SCFD2: variants seen among roughly 807,000 people sequenced by gnomAD.
The protein encoded by SCFD2 is sec1 family domain-containing protein 2.
A neutral mutation model predicts 58.9 loss-of-function variants in SCFD2; 54 were observed. That is an observed-to-expected ratio of 0.92 (90% CI 0.74 to 1.15). SCFD2 has a LOEUF of 1.15. Ranked by LOEUF, SCFD2 falls within the 50% of genes most tolerant of loss-of-function variation. SCFD2 has a pLI of 0.00. For missense variants in SCFD2, 805 were observed against 836.6 expected (o/e 0.96, Z 0.47); for synonymous variants, 321 against 335.9 (o/e 0.96, Z 0.49).
chr4:53,337,956 G>A (rs1280926244), intron 2 of SCFD2, among the ~76,000 whole-genome samples: 1 of 152,140 alleles, frequency 6.6e-6, no homozygotes, highest in African/African-American at 2.4e-5. Flanking sequence ...AGTCCTTATA[G>A]GAGGGATACA....
chr4:53,050,824 C>A (rs1395152757), intron 5 of SCFD2, among the ~76,000 whole-genome samples: 1 of 152,162 alleles, frequency 6.6e-6, no homozygotes, highest in Non-Finnish European at 1.5e-5. Flanking sequence ...AGCCATGCTG[C>A]CTGCATTCCT....
chr4:53,213,380 G>A (rs6554072), intron 4 of SCFD2, among the ~76,000 whole-genome samples: 2 of 151,878 alleles, frequency 1.3e-5, no homozygotes, highest in Admixed American at 6.6e-5. Flanking sequence ...AAAAAAATGC[G>A]TCTGACTTGA....
intron 5 of SCFD2, among the ~76,000 whole-genome samples, chr4:52,932,556 T>C (rs1047879324): frequency 6.6e-6 from 1 of 152,314 alleles, no homozygotes; most frequent in African/African-American, 2.4e-5. Flanking sequence ...TTTCATATTT[T>C]TGGGGAAGGC....
intron 1 of SCFD2, among the ~76,000 whole-genome samples, chr4:53,359,610 A>C (rs1323103965): frequency 2.0e-5 from 3 of 152,194 alleles, no homozygotes; most frequent in Admixed American, 2.0e-4. Context: ...TTGTTGGTAC[A>C]ATCTTTTTTT....
chr4:53,012,079 C>T (rs1722105359), intron 5 of SCFD2, among the ~76,000 whole-genome samples: 2 of 151,192 alleles, frequency 1.3e-5, no homozygotes, highest in Admixed American at 6.6e-5. Context: ...ACTCCCTGCC[C>T]CACAAATTTC....
chr4:52,960,935 T>C (rs373367567), intron 5 of SCFD2, among the ~76,000 whole-genome samples: 72 of 152,298 alleles, frequency 4.7e-4, no homozygotes, highest in African/African-American at 1.5e-3. Context: ...GTGAGTATCG[T>C]AGGAGTTCAT....
chr4:53,321,838 T>A (rs952223486), intron 2 of SCFD2, among the ~76,000 whole-genome samples: 1 of 152,214 alleles, frequency 6.6e-6, no homozygotes, highest in African/African-American at 2.4e-5. Flanking sequence ...AGTCCCTTGG[T>A]ACTGGAAAGC....
chr4:53,207,477 A>G lies in SCFD2; in HGVS notation c.1312-61895T>C, dbSNP rs1292708038. Among the ~76,000 whole-genome samples the G allele has an allele frequency of 1.7e-4, 2 of 12,038 alleles. 1 individual carries two copies. Among genetic ancestry groups the G allele is most frequent in the Non-Finnish European group, 2.6e-4 (2 of 7,588 alleles). The allele number at this position is 12,038 out of a possible 152,430, so 7.9% of individuals were successfully genotyped here. ...AAAACATGGCTGAGTAGTTTGAAAT[A>G]TATTATATATATATTTCATATATAT... is the stretch of plus-strand genomic sequence containing the variant. On this transcript the variant is annotated intron_variant, in intron 4 of 8. Transcript: ENST00000401642.
intron 5 of SCFD2, chr4:52,950,419 C>T (rs1044373264): frequency 5.9e-5 from 9 of 152,192 alleles, no homozygotes; most frequent in Non-Finnish European, 1.5e-5. Flanking sequence ...GGGCCCTGCC[C>T]CCTAGCCATC....
At chr4:52,909,965 T>C (rs937963905) in intron 6 of SCFD2, among the ~76,000 whole-genome samples, 3 of 152,232 alleles carry the variant, frequency 2.0e-5, no homozygotes, top group African/African-American at 4.8e-5. Flanking sequence ...TTCTGGACAT[T>C]GACTCGCTTA....
Position 53,283,991 on chromosome 4 carries a change from C to T in SCFD2, c.1136-9990G>A, listed in dbSNP as rs760555938. 4.0e-5 allele frequency among the ~76,000 whole-genome samples: 6 copies of T among 151,116 alleles called. 1 individual carries two copies. Among genetic ancestry groups the T allele is most frequent in the African/African-American group, 1.5e-4 (6 of 41,130 alleles). ...AAAATTAGCCAGGCGTGGTGGCGGG[C>T]GCCTGTAGTCCCAGCTACTCGGGAG... On this transcript the variant is annotated intron_variant, in intron 3 of 8. Coordinates refer to ENST00000401642, the MANE Select transcript of SCFD2 (RefSeq NM_152540.4).
intron 4 of SCFD2, among the ~76,000 whole-genome samples, chr4:53,188,248 G>C (rs994314707): frequency 2.0e-5 from 3 of 152,186 alleles, no homozygotes; most frequent in African/African-American, 7.2e-5. Context: ...TATGGTTATA[G>C]TTGTAGAAAC....
At chr4:52,874,557 G>A (rs536595493) in intron 8 of SCFD2, among the ~76,000 whole-genome samples, 11 of 152,306 alleles carry the variant, frequency 7.2e-5, no homozygotes, top group Admixed American at 2.0e-4. Flanking sequence ...ACCACAAACT[G>A]GGTGGCTTAA....
chr4:52,896,835 A>C (rs991599475), intron 7 of SCFD2, among the ~76,000 whole-genome samples: 3 of 152,040 alleles, frequency 2.0e-5, no homozygotes, highest in Non-Finnish European at 2.9e-5. Flanking sequence ...CTTTTATTTC[A>C]CTGAGCAGTG....
chr4:53,178,523 G>A (rs912585941), intron 4 of SCFD2, among the ~76,000 whole-genome samples: 1 of 151,970 alleles, frequency 6.6e-6, no homozygotes, highest in East Asian at 1.9e-4. Context: ...AAAGGCCAAA[G>A]GTAGATAAAA....
intron 5 of SCFD2, among the ~76,000 whole-genome samples, chr4:53,022,764 C>G (rs913182132): frequency 3.3e-5 from 5 of 152,132 alleles, no homozygotes; most frequent in Non-Finnish European, 7.3e-5. Flanking sequence ...GAAGAAAATG[C>G]AACAAGAGTT....
chr4:53,040,398 A>C (rs531392937), intron 5 of SCFD2, among the ~76,000 whole-genome samples: 5 of 152,108 alleles, frequency 3.3e-5, no homozygotes, highest in African/African-American at 1.2e-4. Flanking sequence ...TAAATAATCC[A>C]CATTGGAATT....
intron 3 of SCFD2, among the ~76,000 whole-genome samples, chr4:53,288,867 T>C (rs935091342): frequency 2.6e-5 from 4 of 152,212 alleles, no homozygotes; most frequent in African/African-American, 9.6e-5. Context: ...ATTACTATAA[T>C]GGTGGTGTGT....
At chr4:53,288,102 A>C (rs574305202) in intron 3 of SCFD2, among the ~76,000 whole-genome samples, 68 of 152,106 alleles carry the variant, frequency 4.5e-4, no homozygotes, top group African/African-American at 1.6e-3. Context: ...CTATAAAAAA[A>C]ATTAAAGAAA....
Sources: gnomAD v4.1 joint callset for allele counts (sites outside exome capture counted in the v4.1 genomes callset) on GRCh38, gnomAD v4.1.1 for gene constraint, MANE v1.5 for transcripts, NCBI Gene and HGNC (gene_info 2026-07-23, HGNC 2026-07-21) for gene names.